Variants in STAM observed in about 807,000 individuals in gnomAD.
The protein encoded by STAM is signal transducing adaptor molecule.
A neutral mutation model predicts 63.4 loss-of-function variants in STAM; 16 were observed. That is an observed-to-expected ratio of 0.25 (90% CI 0.17 to 0.38). STAM has a LOEUF of 0.38. Among genes scored for constraint, STAM ranks in the 10% least tolerant of loss-of-function variants. The pLI, the probability that STAM is intolerant of heterozygous loss-of-function variation, is 1.00. For synonymous variants in STAM, 238 were observed against 223.9 expected, an observed-to-expected ratio of 1.06 and a Z score of -0.56; for missense variants, 636 against 657.1, an observed-to-expected ratio of 0.97 and a Z score of 0.35.
intron 9 of STAM, among the ~76,000 whole-genome samples, chr10:17,702,318 G>C (rs1350675995): frequency 6.6e-6 from 1 of 151,994 alleles, no homozygotes; most frequent in African/African-American, 2.4e-5. Context: ...AAGTATATTA[G>C]GATAAAATTT....
chr10:17,716,712 AAAGTC>A lies in STAM; in HGVS notation c.*1937_*1941del, dbSNP rs1554831004. ...TCTCTACTATGATTTTTGCCCTATA[AAAGTC>A]AAGTAACAGTGAATAGAAAAAACTA... On this transcript the variant is annotated 3_prime_UTR_variant, in exon 14 of 14. Transcript: ENST00000377524. Among the ~76,000 whole-genome samples, 1 of 152,130 alleles carries A rather than the reference AAAGTC, an allele frequency of 6.6e-6. No individual in the cohort carries two copies. Among genetic ancestry groups the A allele is most frequent in the Non-Finnish European group, 1.5e-5 (1 of 68,014 alleles).
intron 13 of STAM, among the ~76,000 whole-genome samples, chr10:17,711,294 C>T (rs4748408): frequency 0.075 from 11,441 of 152,082 alleles, 454 homozygotes; most frequent in Middle Eastern, 0.13. Context: ...CTACCTGTAG[C>T]GATGGTAGTA....
chr10:17,706,092 T>G (rs548271130), intron 12 of STAM, among the ~76,000 whole-genome samples: 9 of 152,062 alleles, frequency 5.9e-5, no homozygotes, highest in African/African-American at 2.2e-4. Context: ...ATAAATAAAT[T>G]CTCAAATGCA....
intron 2 of STAM, among the ~76,000 whole-genome samples, chr10:17,678,079 A>G (rs987378103): frequency 2.0e-5 from 3 of 152,176 alleles, no homozygotes; most frequent in Admixed American, 2.0e-4. Flanking sequence ...ATTCCTGAAC[A>G]ATCATCATCC....
In STAM at chr10:17,714,548, T is replaced by A; in HGVS notation, c.1391T>A (p.Met464Lys). The A allele has an allele frequency of 6.2e-7, 1 of 1,614,056 alleles. No homozygotes were observed. Among genetic ancestry groups the A allele is most frequent in the Non-Finnish European group, 8.5e-7 (1 of 1,179,900 alleles). ...QQTQAAYPNT[M>K]VSSVQGNTYP... Reference sequence around the variant, plus strand: ...GTGTTTTTCTTCCTCCACAGTACAATGGTCAGTTCCGTTCAAGGAAACACA... The same window carrying A: ...GTGTTTTTCTTCCTCCACAGTACAAAGGTCAGTTCCGTTCAAGGAAACACA... The change falls in exon 14 of 14, where the codon ATG (methionine) becomes AAG (lysine). Residue 464 changes from methionine (M) to lysine (K), a missense_variant. Around this residue, in one of 3 missense-constraint regions of STAM, gnomAD observed 532 missense variants for 536.9 expected, o/e 0.99. Coordinates refer to ENST00000377524, the MANE Select transcript of STAM (RefSeq NM_003473.4).
chr10:17,654,994 C>T, intron 1 of STAM, among the ~76,000 whole-genome samples: 1 of 152,152 alleles, frequency 6.6e-6, no homozygotes, highest in Non-Finnish European at 1.5e-5. Flanking sequence ...TTACTTTTTA[C>T]TTTATTCACT....
intron 6 of STAM, among the ~76,000 whole-genome samples, chr10:17,694,206 T>A (rs1194521320): frequency 6.6e-6 from 1 of 152,146 alleles, no homozygotes; most frequent in Non-Finnish European, 1.5e-5. Context: ...GACCTTAAAT[T>A]TGATAATGGT....
intron 6 of STAM, among the ~76,000 whole-genome samples, chr10:17,694,461 A>C (rs1211157695): frequency 2.6e-5 from 4 of 152,192 alleles, no homozygotes; most frequent in African/African-American, 4.8e-5. Flanking sequence ...CAGGATAATC[A>C]ATGCACTGAT....
chr10:17,669,178 G>A (rs144993174), intron 2 of STAM, among the ~76,000 whole-genome samples: 1 of 152,088 alleles, frequency 6.6e-6, no homozygotes, highest in East Asian at 1.9e-4. Flanking sequence ...ACCATTTACT[G>A]AATCGTCCAT....
At chr10:17,709,037 C>G in intron 13 of STAM, 86 bp downstream of exon 13, 5 of 1,469,240 alleles carry the variant, frequency 3.4e-6, no homozygotes, top group Non-Finnish European at 4.6e-6. Context: ...TAAAATCTGG[C>G]TAATAAATAT....
In STAM at chr10:17,714,583, C is replaced by T; in HGVS notation, c.1426C>T (p.Gln476Ter). ...CGTTCAAGGAAACACATATCCCAGCCAGGCGCCAGTATATAGTCCTCCTCC... is the reference window on the plus strand; with the variant it reads ...CGTTCAAGGAAACACATATCCCAGCTAGGCGCCAGTATATAGTCCTCCTCC... ...SSVQGNTYPSQAPVYSPPPAA... is the reference protein window; with the variant it reads ...SSVQGNTYPS Residue 476 changes from glutamine to a stop codon, truncating the protein, a stop_gained, in exon 14 of 14, where the codon CAG (glutamine) becomes TAG (stop). Transcript: ENST00000377524. LOFTEE classifies it high-confidence loss of function. 1 of 1,614,156 alleles carries T rather than the reference C, an allele frequency of 6.2e-7. No individual in the cohort carries two copies. Among genetic ancestry groups the T allele is most frequent in the South Asian group, 1.1e-5 (1 of 91,074 alleles).
At chr10:17,645,139 A>AT (rs1773585803) in intron 1 of STAM, among the ~76,000 whole-genome samples, 1 of 152,040 alleles carries the variant, frequency 6.6e-6, no homozygotes, top group East Asian at 1.9e-4. Context: ...ATTTTATTTT[A>AT]TTTTTTTCTG....
rs115331474 is a variant in STAM, at chr10:17,704,754, G to A, written c.1001-216G>A. On this transcript the variant is annotated intron_variant, in intron 10 of 13. Transcript: ENST00000377524. ...TTAGAACCTGGTAAAATGAAAAATG[G>A]CACTTTAAGATTTTCAGATTAATAT... is the stretch of plus-strand genomic sequence containing the variant. Among the ~76,000 whole-genome samples the A allele has an allele frequency of 7.3e-3, 1,105 of 152,134 alleles. 12 individuals carry two copies. Among genetic ancestry groups the A allele is most frequent in the African/African-American group, 0.025 (1,040 of 41,492 alleles).
chr10:17,644,665 G>A (rs1278625913), intron 1 of STAM, among the ~76,000 whole-genome samples: 1 of 152,320 alleles, frequency 6.6e-6, no homozygotes, highest in Non-Finnish European at 1.5e-5. Flanking sequence ...AGCTGGTGTA[G>A]CATCTGGTGC....
At chr10:17,688,370 T>G (rs1554826376) in intron 5 of STAM, among the ~76,000 whole-genome samples, 197 bp downstream of exon 5, 1 of 152,226 alleles carries the variant, frequency 6.6e-6, no homozygotes, top group Non-Finnish European at 1.5e-5. Context: ...CAGAAAAGTA[T>G]TATAATGGAA....
chr10:17,713,975 C>G (rs529108283), intron 13 of STAM, among the ~76,000 whole-genome samples: 1 of 152,160 alleles, frequency 6.6e-6, no homozygotes, highest in Non-Finnish European at 1.5e-5. Flanking sequence ...CTGCGGCCCC[C>G]TCTGCCGCAG....
chr10:17,648,596 A>G (rs1554821185), intron 1 of STAM, among the ~76,000 whole-genome samples: 2 of 152,142 alleles, frequency 1.3e-5, no homozygotes, highest in Non-Finnish European at 2.9e-5. Context: ...GCGAGACCAC[A>G]AACCCACCAG....
intron 2 of STAM, among the ~76,000 whole-genome samples, chr10:17,671,022 A>G (rs1448216964): frequency 6.6e-6 from 1 of 152,210 alleles, no homozygotes; most frequent in Non-Finnish European, 1.5e-5. Context: ...TATGAAAGGC[A>G]TCTAAATAAG....
chr10:17,708,241 C>G (rs1836387486), intron 12 of STAM, among the ~76,000 whole-genome samples: 1 of 152,086 alleles, frequency 6.6e-6, no homozygotes, highest in Non-Finnish European at 1.5e-5. Context: ...ACTGACAGAG[C>G]CGAGTAGTTG....
Sources: gnomAD v4.1 joint callset for allele counts (sites outside exome capture counted in the v4.1 genomes callset) on GRCh38, gnomAD v4.1.1 for gene constraint, gnomAD v4.1.1 regional missense constraint, MANE v1.5 for transcripts, NCBI Gene and HGNC (gene_info 2026-07-23, HGNC 2026-07-21) for gene names.